The following SLC35D1 variants were observed in gnomAD, a reference collection of about 807,000 sequenced individuals.
SLC35D1 encodes solute carrier family 35 member D1.
Under a neutral mutation model 46.7 loss-of-function variants are expected in SLC35D1, and 31 were observed. That is an observed-to-expected ratio of 0.66 (90% CI 0.50 to 0.90). The LOEUF is 0.90. SLC35D1 is among the 40% of genes least tolerant of loss of function. The probability of loss-of-function intolerance (pLI) is 0.00; values close to 1 mark genes in which losing one functional copy is unlikely to be tolerated. For missense variants in SLC35D1, 397 were observed against 426.2 expected (o/e 0.93, Z 0.60); for synonymous variants, 195 against 164.6 (o/e 1.18, Z -1.41).
chr1:67,018,365 G>A (rs1051732855), intron 10 of SLC35D1, among the ~76,000 whole-genome samples: 4 of 152,154 alleles, frequency 2.6e-5, no homozygotes, highest in Non-Finnish European at 5.9e-5. Flanking sequence ...AGAAATGAAG[G>A]TGACAGAGAA....
At chr1:66,977,870 G>T in the SLC35D1 span, among the ~76,000 whole-genome samples, 5 of 152,018 alleles carry the variant, frequency 3.3e-5, no homozygotes, top group African/African-American at 4.8e-5. Flanking sequence ...CTCCAGTAAA[G>T]ATGTTCTTAA....
At chr1:67,022,717 AAATT>A (rs924088910) in intron 8 of SLC35D1, among the ~76,000 whole-genome samples, 3 of 152,190 alleles carry the variant, frequency 2.0e-5, no homozygotes, top group Non-Finnish European at 4.4e-5. Flanking sequence ...CATGAAAAAT[AAATT>A]AATTTTAAGT....
At chr1:67,023,282 A>G (rs1422379806) in intron 8 of SLC35D1, among the ~76,000 whole-genome samples, 2 of 152,160 alleles carry the variant, frequency 1.3e-5, no homozygotes, top group Non-Finnish European at 2.9e-5. Flanking sequence ...ACAATTTTGT[A>G]TTCTCACCAG....
At chr1:67,041,790 A>AG (rs1244436343) in intron 8 of SLC35D1, among the ~76,000 whole-genome samples, 3 of 152,170 alleles carry the variant, frequency 2.0e-5, no homozygotes, top group African/African-American at 7.2e-5. Flanking sequence ...GAAAAAAAAA[A>AG]CAAGTTGGGA....
chr1:67,005,664 A>G (rs1345373654), intron 11 of SLC35D1, among the ~76,000 whole-genome samples: 2 of 152,142 alleles, frequency 1.3e-5, no homozygotes, highest in East Asian at 1.9e-4. Context: ...TATCCCTCCA[A>G]GGTGTCCATT....
intron 8 of SLC35D1, among the ~76,000 whole-genome samples, chr1:67,028,052 T>C (rs1431497771): frequency 6.6e-6 from 1 of 151,574 alleles, no homozygotes; most frequent in Admixed American, 6.6e-5. Flanking sequence ...GCTTTGATTT[T>C]CATTGTTCAA....
intron 8 of SLC35D1, among the ~76,000 whole-genome samples, chr1:67,038,499 G>T (rs982064729): frequency 6.6e-6 from 1 of 151,982 alleles, no homozygotes. Flanking sequence ...AGGGTGTGCT[G>T]CCAGAAAGCC....
intron 8 of SLC35D1, among the ~76,000 whole-genome samples, chr1:67,041,266 G>C (rs868060720): frequency 3.3e-5 from 5 of 152,012 alleles, no homozygotes; most frequent in Non-Finnish European, 5.9e-5. Context: ...CTGGCAGGTA[G>C]GTCACAGTTC....
intron 8 of SLC35D1, among the ~76,000 whole-genome samples, chr1:67,023,989 G>A (rs1251815372): frequency 6.7e-6 from 1 of 150,354 alleles, no homozygotes; most frequent in African/African-American, 2.5e-5. Flanking sequence ...ATGTCGCCCA[G>A]GCTGGAGTGC....
At chr1:67,049,293 CAAA>C (rs1334400228) in intron 6 of SLC35D1, among the ~76,000 whole-genome samples, 1 of 105,154 alleles carries the variant, frequency 9.5e-6, no homozygotes. Flanking sequence ...GACTCCGTCT[CAAA>C]AAAAAAAAAA....
At chr1:67,033,817 G>A (rs1668070230) in intron 8 of SLC35D1, among the ~76,000 whole-genome samples, 1 of 152,096 alleles carries the variant, frequency 6.6e-6, no homozygotes, top group South Asian at 2.1e-4. Context: ...TTCATACTTT[G>A]AAGTTTTAGA....
At chr1:66,988,045 C>A in the SLC35D1 span, 1 of 152,160 alleles carries the variant, frequency 6.6e-6, no homozygotes, top group South Asian at 2.1e-4. Context: ...TCTTTGCTAT[C>A]GATGGATAAT....
chr1:66,999,841 C>CA lies in SLC35D1; in HGVS notation c.*4498dup, dbSNP rs1020043589. On this transcript the variant is annotated 3_prime_UTR_variant, in exon 12 of 12. Transcript: ENST00000235345. ...GAGACAGGCCTGGAAGCAGGGGCAGCATGGGGTCAAGTGCTTTCAATTCAG... is the reference window on the plus strand; with the variant it reads ...GAGACAGGCCTGGAAGCAGGGGCAGCAATGGGGTCAAGTGCTTTCAATTCAG... 1 of 152,266 alleles carries CA rather than the reference C, an allele frequency of 6.6e-6. No homozygotes were observed. Among genetic ancestry groups the CA allele is most frequent in the African/African-American group, 2.4e-5 (1 of 41,436 alleles). 9.4% of individuals were successfully genotyped at this position (152,266 alleles called of 1,614,324 possible).
intron 8 of SLC35D1, among the ~76,000 whole-genome samples, chr1:67,027,958 C>T (rs1667946230): frequency 6.6e-6 from 1 of 152,174 alleles, no homozygotes; most frequent in South Asian, 2.1e-4. Context: ...TCTCAAACTC[C>T]TGACCTCAAG....
At chr1:66,980,899 G>C in the SLC35D1 span, among the ~76,000 whole-genome samples, 1 of 152,010 alleles carries the variant, frequency 6.6e-6, no homozygotes. Flanking sequence ...TGCAGTTGTT[G>C]CAGGAAAGCA....
chr1:67,044,616 G>A (rs1375897276), intron 7 of SLC35D1, among the ~76,000 whole-genome samples: 4 of 152,034 alleles, frequency 2.6e-5, no homozygotes, highest in African/African-American at 7.2e-5. Flanking sequence ...TAGTATTAAG[G>A]GAGATTTATG....
chr1:67,013,157 G>GATAGATATATAT (rs1553264879), intron 10 of SLC35D1, among the ~76,000 whole-genome samples: 1 of 29,834 alleles, frequency 3.4e-5, no homozygotes, highest in Non-Finnish European at 5.7e-5. Flanking sequence ...ATATCCTGGA[G>GATAGATATATAT]ATATATATAT....
the SLC35D1 span, chr1:66,986,448 C>G: frequency 6.2e-7 from 1 of 1,612,738 alleles, no homozygotes; most frequent in Non-Finnish European, 8.5e-7. Context: ...GCCATCAGTT[C>G]AAGAGCCAAT....
intron 8 of SLC35D1, among the ~76,000 whole-genome samples, chr1:67,037,134 T>C (rs1668140081): frequency 1.3e-5 from 2 of 152,154 alleles, no homozygotes; most frequent in African/African-American, 4.8e-5. Context: ...CTTGATATCT[T>C]ATTGTACTGT....
Sources: allele counts gnomAD v4.1 joint callset (sites outside exome capture counted in the v4.1 genomes callset), GRCh38; gene constraint gnomAD v4.1.1; transcripts MANE v1.5; gene names NCBI Gene and HGNC (gene_info 2026-07-23, HGNC 2026-07-21).